Variants in PTER observed in about 807,000 individuals in gnomAD.
PTER encodes phosphotriesterase related.
A neutral mutation model predicts 29.6 loss-of-function variants in PTER; 38 were observed. The ratio of observed to expected loss-of-function variants is 1.28; its 90% CI spans 0.99 to 1.68. The LOEUF is 1.68. Ranked by LOEUF, PTER falls within the 40% of genes most tolerant of loss-of-function variation. The pLI is 0.00. For synonymous variants in PTER, 172 were observed against 154.5 expected, an observed-to-expected ratio of 1.11 and a Z score of -0.84; for missense variants, 482 against 427.8, an observed-to-expected ratio of 1.13 and a Z score of -1.12.
intron 1 of PTER, among the ~76,000 whole-genome samples, chr10:16,480,584 G>C (rs1588612841): frequency 6.6e-6 from 1 of 152,240 alleles, no homozygotes; most frequent in African/African-American, 2.4e-5. Flanking sequence ...TGGGAGAAGA[G>C]CCTATGTTTA....
At chr10:16,516,601 C>T (rs1836954962), downstream of PTER, among the ~76,000 whole-genome samples, 3 of 152,104 alleles carry the variant, frequency 2.0e-5, no homozygotes, top group African/African-American at 7.2e-5. Flanking sequence ...TCTATGGTTA[C>T]TGGGCTTTAA....
intron 1 of PTER, among the ~76,000 whole-genome samples, chr10:16,443,932 T>C (rs948643399): frequency 2.0e-5 from 3 of 152,106 alleles, no homozygotes; most frequent in African/African-American, 2.4e-5. Flanking sequence ...CTTACAATTA[T>C]CACGATACTA....
chr10:16,472,534 T>G (rs1408148321), intron 1 of PTER, among the ~76,000 whole-genome samples: 1 of 152,162 alleles, frequency 6.6e-6, no homozygotes, highest in Non-Finnish European at 1.5e-5. Context: ...TGTTCCTCAT[T>G]TGCCGTCCGC....
At chr10:16,446,706 G>C (rs967818079) in intron 1 of PTER, among the ~76,000 whole-genome samples, 1 of 152,040 alleles carries the variant, frequency 6.6e-6, no homozygotes, top group Non-Finnish European at 1.5e-5. Flanking sequence ...AGGTCAAAAC[G>C]CTTAATTTCT....
Position 16,481,807 on chromosome 10 carries a change from G to A in PTER, c.-48-2530G>A, listed in dbSNP as rs536431512. 2.6e-5 allele frequency among the ~76,000 whole-genome samples: 4 copies of A among 152,174 alleles called. No homozygotes were observed. In the South Asian group the frequency reaches 8.3e-4, roughly 32 times the overall value. On this transcript the variant is annotated intron_variant, in intron 1 of 4. Coordinates refer to ENST00000535784, the MANE Select transcript of PTER (RefSeq NM_001261836.2). ...GTTTCTGCCCCTCTGTGACTCTCTG[G>A]AACACGTCTGTAAGATGGTCAGCCA...
At chr10:16,473,541 A>AAACAAACAAACAAAC (rs1564395753) in intron 1 of PTER, among the ~76,000 whole-genome samples, 1 of 150,654 alleles carries the variant, frequency 6.6e-6, no homozygotes, top group African/African-American at 2.5e-5. Flanking sequence ...AAAAAAAAAA[A>AAACAAACAAACAAAC]AAAAAACAGT....
intron 1 of PTER, chr10:16,475,880 G>T (rs1350067097): frequency 6.6e-6 from 1 of 152,114 alleles, no homozygotes; most frequent in African/African-American, 2.4e-5. Flanking sequence ...CTTCAGTTTT[G>T]TTCATAAACT....
chr10:16,490,160 C>T (rs573637127), intron 3 of PTER, among the ~76,000 whole-genome samples: 191 of 152,296 alleles, frequency 1.3e-3, no homozygotes, highest in Non-Finnish European at 2.1e-3. Flanking sequence ...GCAGAATCAT[C>T]TATCACAAAG....
downstream of PTER, among the ~76,000 whole-genome samples, chr10:16,516,006 A>G (rs1374845923): frequency 6.6e-6 from 1 of 152,116 alleles, no homozygotes; most frequent in Admixed American, 6.5e-5. Flanking sequence ...TTCCAATTAA[A>G]TTTTCTTGTG....
chr10:16,444,621 A>G (rs1833957247), intron 1 of PTER, among the ~76,000 whole-genome samples: 1 of 151,208 alleles, frequency 6.6e-6, no homozygotes, highest in African/African-American at 2.4e-5. Flanking sequence ...TCCAACTCCA[A>G]GGCTCAAGTG....
chr10:16,489,960 G>C (rs1453116769), intron 3 of PTER, among the ~76,000 whole-genome samples: 1 of 152,156 alleles, frequency 6.6e-6, no homozygotes, highest in Non-Finnish European at 1.5e-5. Context: ...CCTTTCACTA[G>C]AAGACAAGAC....
chr10:16,460,968 C>G (rs1481807040), intron 1 of PTER, among the ~76,000 whole-genome samples: 1 of 152,166 alleles, frequency 6.6e-6, no homozygotes, highest in Non-Finnish European at 1.5e-5. Flanking sequence ...CCACCTGCTT[C>G]AGCCTCCCAA....
intron 3 of PTER, among the ~76,000 whole-genome samples, chr10:16,490,955 C>T (rs757870836): frequency 1.3e-5 from 2 of 151,834 alleles, no homozygotes; most frequent in Non-Finnish European, 2.9e-5. Flanking sequence ...TATGTATACA[C>T]TACACCTATA....
At chr10:16,481,729 T>A (rs1835487750) in intron 1 of PTER, among the ~76,000 whole-genome samples, 1 of 152,188 alleles carries the variant, frequency 6.6e-6, no homozygotes, top group Non-Finnish European at 1.5e-5. Context: ...CAATTGAATA[T>A]GCAGTTTGGT....
intron 3 of PTER, among the ~76,000 whole-genome samples, chr10:16,496,397 G>A (rs1836100364): frequency 6.6e-6 from 1 of 152,158 alleles, no homozygotes; most frequent in Non-Finnish European, 1.5e-5. Context: ...TATGCACACA[G>A]TCTCTGAGCC....
At chr10:16,457,952 C>T (rs1002021567) in intron 1 of PTER, among the ~76,000 whole-genome samples, 2 of 152,140 alleles carry the variant, frequency 1.3e-5, no homozygotes, top group Non-Finnish European at 2.9e-5. Context: ...TTCCATTTAC[C>T]TACATGCTGT....
At chr10:16,454,025 T>C (rs570654762) in intron 1 of PTER, among the ~76,000 whole-genome samples, 1 of 152,226 alleles carries the variant, frequency 6.6e-6, no homozygotes, top group Non-Finnish European at 1.5e-5. Context: ...ATGCAGTTGG[T>C]AAAGTTTTAG....
rs1836883467 is a variant in PTER at position 16,513,336 on chromosome 10, C to A, written c.*2080C>A. The A allele has an allele frequency of 6.6e-6, 1 of 152,366 alleles. No individual in the cohort carries two copies. 9.4% of individuals were successfully genotyped at this position (152,366 alleles called of 1,614,324 possible). A position where few individuals can be genotyped will look rare whatever the true frequency, so the allele number is the denominator to read the frequency against. On this transcript the variant is annotated 3_prime_UTR_variant, in exon 5 of 5. Coordinates refer to ENST00000535784, the MANE Select transcript of PTER (RefSeq NM_001261836.2). ...GTTTGTGTGTGTATATATGCATACA[C>A]TTTTTTATATTAAAATTTTGAGGCT...
intron 4 of PTER, among the ~76,000 whole-genome samples, chr10:16,506,450 A>G (rs925328726): frequency 1.1e-4 from 16 of 152,206 alleles, no homozygotes; most frequent in Non-Finnish European, 1.3e-4. Flanking sequence ...TTACTATAGA[A>G]TTGACATGAA....
Sources: gnomAD v4.1 joint callset for allele counts (sites outside exome capture counted in the v4.1 genomes callset) on GRCh38, gnomAD v4.1.1 for gene constraint, MANE v1.5 for transcripts, NCBI Gene and HGNC (gene_info 2026-07-23, HGNC 2026-07-21) for gene names.